KCNIP4: variants seen among roughly 807,000 people sequenced by gnomAD.
KCNIP4 encodes the protein Kv channel-interacting protein 4.
Under a neutral mutation model 34.0 loss-of-function variants are expected in KCNIP4, and 12 were observed. The observed-to-expected ratio is 0.35, with a 90% confidence interval of 0.23 to 0.57. The LOEUF (loss-of-function observed/expected upper bound fraction) is 0.57, where lower values mean the gene tolerates loss of function less well. KCNIP4 is among the 20% of genes least tolerant of loss of function. KCNIP4 has a pLI of 0.83. For missense variants in KCNIP4, 238 were observed against 311.7 expected (o/e 0.76, Z 1.78); for synonymous variants, 124 against 102.2 (o/e 1.21, Z -1.29).
chr4:21,125,628 C>A (rs554197583), intron 1 of KCNIP4, among the ~76,000 whole-genome samples: 1 of 152,054 alleles, frequency 6.6e-6, no homozygotes, highest in Non-Finnish European at 1.5e-5. Context: ...GGTGACCGCA[C>A]GTTGGGAACC....
At chr4:21,933,009 T>C (rs1418109921) in intron 1 of KCNIP4, among the ~76,000 whole-genome samples, 1 of 138,082 alleles carries the variant, frequency 7.2e-6, no homozygotes, top group Non-Finnish European at 1.5e-5. Flanking sequence ...CAGACCACAG[T>C]CAGATTTCAG....
chr4:21,638,511 A>G (rs1029378740), intron 1 of KCNIP4, among the ~76,000 whole-genome samples: 3 of 152,166 alleles, frequency 2.0e-5, no homozygotes, highest in African/African-American at 7.2e-5. Flanking sequence ...TTTTTATCAT[A>G]GTGGTGGGAG....
intron 1 of KCNIP4, among the ~76,000 whole-genome samples, chr4:21,792,643 C>G (rs183561321): frequency 6.6e-6 from 1 of 152,196 alleles, no homozygotes; most frequent in Non-Finnish European, 1.5e-5. Flanking sequence ...CTTGGTTTCA[C>G]AGCTGGGCAT....
At chr4:21,714,787 T>TG (rs147076758) in intron 1 of KCNIP4, among the ~76,000 whole-genome samples, 501 of 11,896 alleles carry the variant, frequency 0.042, 22 homozygotes, top group Middle Eastern at 0.1. Flanking sequence ...TTCCCTTTGA[T>TG]TATTTTATTT....
intron 1 of KCNIP4, among the ~76,000 whole-genome samples, chr4:21,858,078 G>A (rs995378049): frequency 6.6e-6 from 1 of 152,216 alleles, no homozygotes; most frequent in African/African-American, 2.4e-5. Flanking sequence ...GCTGCGCACA[G>A]TGGCTGGACC....
Position 21,151,405 on chromosome 4 carries a change from A to ATTTT in KCNIP4, c.62-268697_62-268696insAAAA, listed in dbSNP as rs1491541435. 7.8e-4 allele frequency among the ~76,000 whole-genome samples: 73 copies of ATTTT among 93,516 alleles called. 14 individuals carry two copies. The highest frequency in any genetic ancestry group is 2.8e-3 in the African/African-American group (69 of 24,724). 61.4% of individuals were successfully genotyped at this position (93,516 alleles called of 152,430 possible). A position where few individuals can be genotyped will look rare whatever the true frequency, so the allele number is the denominator to read the frequency against. On this transcript the variant is annotated intron_variant, in intron 1 of 8. Coordinates refer to ENST00000382152, the MANE Select transcript of KCNIP4 (RefSeq NM_025221.6). ...AGAATGGATGTCTTCAACAAAAGAC[A>ATTTT]ATTTTTTTTTTTTTTTTTTTTTTTT...
chr4:20,896,166 A>G (rs968002362), intron 1 of KCNIP4, among the ~76,000 whole-genome samples: 1 of 152,132 alleles, frequency 6.6e-6, no homozygotes, highest in Non-Finnish European at 1.5e-5. Flanking sequence ...CAGGACATGC[A>G]TGCTCGGTTT....
chr4:21,124,664 G>T (rs765224850), intron 1 of KCNIP4, among the ~76,000 whole-genome samples: 4 of 152,046 alleles, frequency 2.6e-5, no homozygotes, highest in Admixed American at 2.0e-4. Flanking sequence ...AAGAAGGGGG[G>T]TCTTTGTGAT....
intron 5 of KCNIP4, among the ~76,000 whole-genome samples, chr4:20,740,196 C>G (rs893373818): frequency 6.6e-6 from 1 of 152,088 alleles, no homozygotes; most frequent in African/African-American, 2.4e-5. Flanking sequence ...CGCAACCTAG[C>G]AAGTCAGGCC....
intron 1 of KCNIP4, among the ~76,000 whole-genome samples, chr4:20,944,038 T>G (rs952912943): frequency 6.6e-6 from 1 of 152,298 alleles, no homozygotes; most frequent in South Asian, 2.1e-4. Context: ...TACCTAAAAC[T>G]CAGTTTCCTT....
At chr4:21,107,981 A>T (rs935944720) in intron 1 of KCNIP4, among the ~76,000 whole-genome samples, 1 of 151,306 alleles carries the variant, frequency 6.6e-6, no homozygotes, top group Non-Finnish European at 1.5e-5. Context: ...TGTTAGTCTG[A>T]TGGGCTTCCC....
chr4:21,422,117 A>C (rs768634437), intron 1 of KCNIP4, among the ~76,000 whole-genome samples: 3 of 152,216 alleles, frequency 2.0e-5, no homozygotes. Flanking sequence ...TGAAGCTCAC[A>C]GCCTGCACAC....
intron 1 of KCNIP4, among the ~76,000 whole-genome samples, chr4:21,060,609 A>G (rs919357982): frequency 1.3e-5 from 2 of 152,174 alleles, no homozygotes; most frequent in Non-Finnish European, 2.9e-5. Context: ...GTTGCATATA[A>G]AGGAGTCATG....
At chr4:21,886,884 T>C (rs920581455) in intron 1 of KCNIP4, among the ~76,000 whole-genome samples, 1 of 152,100 alleles carries the variant, frequency 6.6e-6, no homozygotes, top group African/African-American at 2.4e-5. Flanking sequence ...CTAAGCCATG[T>C]ATAATAAATG....
intron 1 of KCNIP4, among the ~76,000 whole-genome samples, chr4:21,626,389 G>T (rs986259306): frequency 2.7e-5 from 4 of 149,326 alleles, no homozygotes; most frequent in African/African-American, 2.5e-5. Context: ...TGTTTTTTTT[G>T]TTTTTTTTTC....
intron 1 of KCNIP4, among the ~76,000 whole-genome samples, chr4:21,427,998 T>C (rs552593900): frequency 1.8e-4 from 28 of 152,268 alleles, no homozygotes; most frequent in African/African-American, 6.7e-4. Flanking sequence ...GTTTTAAACA[T>C]AAATTAAGCC....
At chr4:21,896,933 TAATAAATAAATAAATAAATAAATA>T (rs57096209) in intron 1 of KCNIP4, among the ~76,000 whole-genome samples, 6 of 147,394 alleles carry the variant, frequency 4.1e-5, no homozygotes, top group African/African-American at 1.2e-4. Context: ...CATAAATAAA[TAATAAATAAATAAATAAATAAATA>T]AATAAATAAA....
At chr4:21,931,512 G>T (rs1007463517) in intron 1 of KCNIP4, among the ~76,000 whole-genome samples, 1 of 148,206 alleles carries the variant, frequency 6.7e-6, no homozygotes, top group Non-Finnish European at 1.5e-5. Context: ...AGTGAGAACA[G>T]GCGGTGTTTG....
At chr4:21,019,360 G>A (rs980796110) in intron 1 of KCNIP4, among the ~76,000 whole-genome samples, 4 of 152,208 alleles carry the variant, frequency 2.6e-5, no homozygotes, top group Non-Finnish European at 2.9e-5. Context: ...GTTTCACCAC[G>A]TTGGCTAGAC....
Sources: allele counts gnomAD v4.1 joint callset (sites outside exome capture counted in the v4.1 genomes callset), GRCh38; gene constraint gnomAD v4.1.1; transcripts MANE v1.5; gene names NCBI Gene and HGNC (gene_info 2026-07-23, HGNC 2026-07-21).